Variants in MICU1 observed in about 807,000 individuals in gnomAD.
The protein encoded by MICU1 is calcium uptake protein 1, mitochondrial.
MICU1 carries 45 observed loss-of-function variants against 56.8 expected under a neutral mutation model. The ratio of observed to expected loss-of-function variants is 0.79; its 90% confidence interval spans 0.62 to 1.02. The LOEUF (loss-of-function observed/expected upper bound fraction) is 1.02, where lower values mean the gene tolerates loss of function less well. Ranked by LOEUF, MICU1 falls within the 50% of genes least tolerant of loss-of-function variation. The probability of loss-of-function intolerance (pLI) is 0.00; values close to 1 mark genes in which losing one functional copy is unlikely to be tolerated. For missense variants in MICU1, 504 were observed against 587.1 expected, an observed-to-expected ratio of 0.86 and a Z score of 1.46; for synonymous variants, 186 against 195.1, an observed-to-expected ratio of 0.95 and a Z score of 0.39.
intron 1 of MICU1, among the ~76,000 whole-genome samples, chr10:72,569,753 AT>A (rs1200678113): frequency 2.0e-5 from 3 of 151,922 alleles, no homozygotes; most frequent in Non-Finnish European, 4.4e-5. Context: ...AATGTAAATG[AT>A]TTTTTTCCCT....
chr10:72,414,676 A>T (rs1167329620), intron 9 of MICU1, among the ~76,000 whole-genome samples: 2 of 152,258 alleles, frequency 1.3e-5, no homozygotes, highest in Non-Finnish European at 2.9e-5. Context: ...TGTACAGTTA[A>T]AATGGATAAC....
intron 8 of MICU1, among the ~76,000 whole-genome samples, chr10:72,457,273 C>T (rs1445328351): frequency 6.8e-6 from 1 of 146,856 alleles, no homozygotes; most frequent in Non-Finnish European, 1.5e-5. Context: ...GGGTGGAGTG[C>T]AGGGCGCAAT....
chr10:72,606,414 G>A (rs973830918), intron 1 of MICU1, among the ~76,000 whole-genome samples: 8 of 151,874 alleles, frequency 5.3e-5, no homozygotes, highest in African/African-American at 1.9e-4. Flanking sequence ...CTCGGGAACT[G>A]AGGCAGGAGA....
intron 8 of MICU1, among the ~76,000 whole-genome samples, chr10:72,444,961 G>GTA (rs1437425354): frequency 6.6e-6 from 1 of 152,148 alleles, no homozygotes; most frequent in Non-Finnish European, 1.5e-5. Flanking sequence ...ATTAGAATTG[G>GTA]TAATTATTCC....
chr10:72,504,748 C>T (rs770679499), intron 6 of MICU1, among the ~76,000 whole-genome samples: 8 of 152,060 alleles, frequency 5.3e-5, no homozygotes, highest in Non-Finnish European at 8.8e-5. Context: ...GTCTAACATC[C>T]AGAATCTATA....
intron 10 of MICU1, among the ~76,000 whole-genome samples, chr10:72,396,669 G>A (rs140906958): frequency 0.042 from 6,350 of 152,222 alleles, 349 homozygotes; most frequent in African/African-American, 0.12. Flanking sequence ...TCGATCAAGT[G>A]GAAGAAAGGG....
chr10:72,533,075 TC>T, intron 5 of MICU1: 1 of 1,289,890 alleles, frequency 7.8e-7, no homozygotes, highest in Non-Finnish European at 1.0e-6. Flanking sequence ...CTTTCTTCTT[TC>T]TGAAGTGCTT....
intron 9 of MICU1, among the ~76,000 whole-genome samples, chr10:72,421,115 C>T (rs762506758): frequency 2.7e-4 from 41 of 151,924 alleles, no homozygotes; most frequent in Middle Eastern, 6.8e-3. Context: ...TCTCCTGCCT[C>T]GGCCTCCCAA....
At chr10:72,405,854 G>A (rs1212108310) in intron 10 of MICU1, among the ~76,000 whole-genome samples, 3 of 151,918 alleles carry the variant, frequency 2.0e-5, no homozygotes, top group African/African-American at 4.8e-5. Flanking sequence ...ATCTGACAAC[G>A]AGCAACTATG....
intron 6 of MICU1, among the ~76,000 whole-genome samples, chr10:72,479,542 T>C (rs1019312073): frequency 1.3e-5 from 2 of 152,166 alleles, no homozygotes; most frequent in Admixed American, 1.3e-4. Context: ...GTGTTTTTGT[T>C]TTTTGGGACA....
In MICU1 at chr10:72,375,784, A is replaced by G; in HGVS notation, c.1269T>C (p.Asp423=). 1 of 1,612,252 alleles carries G rather than the reference A, an allele frequency of 6.2e-7. No individual in the cohort carries two copies. Among genetic ancestry groups the G allele is most frequent in the Non-Finnish European group, 8.5e-7 (1 of 1,179,234 alleles). ...CDVVFALFDC[D]GNGELSNKEF... is the part of the protein sequence containing the mutation. Reference sequence around the variant, plus strand: ...CGGGCTCCAGAGGGCCCCACTCACCATCACAGTCAAAGAGTGCAAACACCA... The same window carrying G: ...CGGGCTCCAGAGGGCCCCACTCACCGTCACAGTCAAAGAGTGCAAACACCA... The change falls in exon 11 of 12, where the codon GAT becomes GAC. Residue 423 remains aspartate, a splice_region_variant and synonymous_variant. Transcript: ENST00000361114.
chr10:72,407,028 G>A lies in MICU1; in HGVS notation c.1180+901C>T, dbSNP rs539990624. Among the ~76,000 whole-genome samples, 10 of 152,306 alleles carry A rather than the reference G, an allele frequency of 6.6e-5. No individual in the cohort carries two copies. In the East Asian group the frequency reaches 1.3e-3, roughly 21 times the overall value. ...ACATTGAGTGAAACCTTAGACGAGT[G>A]TACATTTATATAATTCCAATGTATG... On this transcript the variant is annotated intron_variant, in intron 10 of 11. Transcript: ENST00000361114.
At chr10:72,381,813 T>C (rs943262845) in intron 10 of MICU1, among the ~76,000 whole-genome samples, 5 of 152,176 alleles carry the variant, frequency 3.3e-5, no homozygotes, top group African/African-American at 1.2e-4. Context: ...TTGTCTAGTA[T>C]TGTATCTGGG....
intron 8 of MICU1, among the ~76,000 whole-genome samples, chr10:72,435,963 T>C (rs2132168800): frequency 6.6e-6 from 1 of 152,362 alleles, no homozygotes; most frequent in South Asian, 2.1e-4. Flanking sequence ...GGGCAGGGCA[T>C]AGCTGAACAA....
intron 8 of MICU1, among the ~76,000 whole-genome samples, chr10:72,464,294 TCAAAAAAAAAA>T (rs80282079): frequency 2.4e-5 from 1 of 42,102 alleles, no homozygotes; most frequent in Non-Finnish European, 4.1e-5. Flanking sequence ...AGATTCTGTC[TCAAAAAAAAAA>T]AAAAAAAAAA....
At chr10:72,604,656 A>C (rs538024211) in intron 1 of MICU1, among the ~76,000 whole-genome samples, 14 of 152,182 alleles carry the variant, frequency 9.2e-5, no homozygotes, top group African/African-American at 3.1e-4. Flanking sequence ...TTCTTACTTG[A>C]AGATGTTGTC....
At chr10:72,444,474 G>T (rs1425232532) in intron 8 of MICU1, among the ~76,000 whole-genome samples, 1 of 130,886 alleles carries the variant, frequency 7.6e-6, no homozygotes. Context: ...TTTTGAGACA[G>T]GGTGTTGTTC....
At chr10:72,600,648 C>CAAAAAAAAAA (rs71021514) in intron 1 of MICU1, among the ~76,000 whole-genome samples, 1 of 105,612 alleles carries the variant, frequency 9.5e-6, no homozygotes, top group African/African-American at 3.5e-5. Context: ...GACTCCGTCT[C>CAAAAAAAAAA]AAAAAAAAAA....
chr10:72,589,727 A>G (rs1324168021), intron 1 of MICU1, among the ~76,000 whole-genome samples: 1 of 152,230 alleles, frequency 6.6e-6, no homozygotes, highest in Admixed American at 6.5e-5. Context: ...AAGACCAGAA[A>G]TAGACTGAAA....
Sources: gnomAD v4.1 joint callset for allele counts (sites outside exome capture counted in the v4.1 genomes callset) on GRCh38, gnomAD v4.1.1 for gene constraint, MANE v1.5 for transcripts, NCBI Gene and HGNC (gene_info 2026-07-23, HGNC 2026-07-21) for gene names.